The following ADAMTSL1 variants were observed in gnomAD, a reference collection of about 807,000 sequenced individuals.
The protein encoded by ADAMTSL1 is ADAMTS like 1, also known as ADAMTS-like protein 1.
ADAMTSL1 carries 126 observed loss-of-function variants against 201.8 expected under a neutral mutation model. That is an observed-to-expected ratio of 0.62 (90% CI 0.54 to 0.72). The LOEUF is 0.72. Ranked by LOEUF, ADAMTSL1 falls within the 30% of genes least tolerant of loss-of-function variation. The pLI, the probability that ADAMTSL1 is intolerant of heterozygous loss-of-function variation, is 0.00. For missense variants in ADAMTSL1, 2,679 were observed against 2,277.8 expected (o/e 1.18, Z -3.59); for synonymous variants, 1,121 against 903.4 (o/e 1.24, Z -4.32).
chr9:18,049,467 A>T (rs968903856), intron 1 of ADAMTSL1, among the ~76,000 whole-genome samples: 4 of 152,164 alleles, frequency 2.6e-5, no homozygotes, highest in African/African-American at 9.7e-5. Context: ...GGACATCGGT[A>T]TGTCTAGATA....
At chr9:18,306,752 C>A (rs909547871) in intron 2 of ADAMTSL1, among the ~76,000 whole-genome samples, 1 of 152,110 alleles carries the variant, frequency 6.6e-6, no homozygotes, top group African/African-American at 2.4e-5. Context: ...AGAATGGAAC[C>A]AAGTTGGAAA....
chr9:17,933,409 G>A (rs976999828), intron 1 of ADAMTSL1, among the ~76,000 whole-genome samples: 5 of 152,080 alleles, frequency 3.3e-5, no homozygotes, highest in Non-Finnish European at 5.9e-5. Flanking sequence ...TTCAGAGACC[G>A]TTTTTCCAGA....
At chr9:18,123,660 A>G (rs1181262531) in intron 1 of ADAMTSL1, among the ~76,000 whole-genome samples, 1 of 152,152 alleles carries the variant, frequency 6.6e-6, no homozygotes, top group African/African-American at 2.4e-5. Flanking sequence ...TATAGGTTCA[A>G]TGAATTTTAG....
At chr9:17,930,941 C>A (rs1259652844) in intron 1 of ADAMTSL1, among the ~76,000 whole-genome samples, 1 of 152,160 alleles carries the variant, frequency 6.6e-6, no homozygotes, top group Admixed American at 6.5e-5. Flanking sequence ...GGTTGGACTG[C>A]TGGCGGCATT....
chr9:18,054,117 C>A (rs183923121), intron 1 of ADAMTSL1, among the ~76,000 whole-genome samples: 1 of 151,814 alleles, frequency 6.6e-6, no homozygotes, highest in Non-Finnish European at 1.5e-5. Flanking sequence ...GCATAGTTTT[C>A]TGATTATACA....
At chr9:18,155,374 G>C (rs1325148077) in intron 1 of ADAMTSL1, among the ~76,000 whole-genome samples, 1 of 152,036 alleles carries the variant, frequency 6.6e-6, no homozygotes, top group Non-Finnish European at 1.5e-5. Context: ...CTTGGAGCCA[G>C]TCTGGGTGAT....
At chr9:18,032,884 ACT>A (rs1303749333) in intron 1 of ADAMTSL1, among the ~76,000 whole-genome samples, 1 of 118,444 alleles carries the variant, frequency 8.4e-6, no homozygotes, top group Non-Finnish European at 1.9e-5. Flanking sequence ...GTGCTCAGTG[ACT>A]CTGTGTGGGG....
chr9:18,237,691 CT>C (rs1175642386), intron 2 of ADAMTSL1, among the ~76,000 whole-genome samples: 4 of 152,132 alleles, frequency 2.6e-5, no homozygotes, highest in African/African-American at 4.8e-5. Context: ...TCAACTGAAT[CT>C]TTTTTTGTTG....
intron 1 of ADAMTSL1, among the ~76,000 whole-genome samples, chr9:18,115,358 G>A (rs941572945): frequency 2.6e-5 from 4 of 152,278 alleles, no homozygotes; most frequent in Non-Finnish European, 5.9e-5. Flanking sequence ...CAGGAAGGCA[G>A]GCAGGGGGAC....
intron 1 of ADAMTSL1, among the ~76,000 whole-genome samples, chr9:18,132,271 A>T (rs1422498606): frequency 6.6e-6 from 1 of 152,022 alleles, no homozygotes; most frequent in Admixed American, 6.6e-5. Context: ...GCCACCCCAT[A>T]TGCCATATTT....
chr9:18,058,743 C>T (rs1269679592), intron 1 of ADAMTSL1, among the ~76,000 whole-genome samples: 1 of 152,078 alleles, frequency 6.6e-6, no homozygotes, highest in African/African-American at 2.4e-5. Flanking sequence ...AACATTTTGT[C>T]TGTACATCTA....
At chr9:18,492,629 A>T (rs538208117) in intron 1 of ADAMTSL1, among the ~76,000 whole-genome samples, 2 of 152,172 alleles carry the variant, frequency 1.3e-5, no homozygotes, top group Non-Finnish European at 2.9e-5. Context: ...ACTTATATTT[A>T]AAAAAATAAC....
At chr9:18,377,889 A>G (rs543883662) in intron 2 of ADAMTSL1, among the ~76,000 whole-genome samples, 2 of 152,136 alleles carry the variant, frequency 1.3e-5, no homozygotes, top group East Asian at 3.9e-4. Flanking sequence ...TTTTATAAAT[A>G]TATTTGGAAA....
chr9:18,206,752 G>A (rs770459630), intron 2 of ADAMTSL1, among the ~76,000 whole-genome samples: 62 of 152,162 alleles, frequency 4.1e-4, no homozygotes, highest in South Asian at 1.0e-3. Flanking sequence ...CTTATTTTGC[G>A]TTCCTGACTT....
chr9:18,054,793 C>G (rs1223481061), intron 1 of ADAMTSL1, among the ~76,000 whole-genome samples: 1 of 152,174 alleles, frequency 6.6e-6, no homozygotes, highest in Non-Finnish European at 1.5e-5. Context: ...CCATATATTT[C>G]CAGATGCTTG....
At chr9:18,869,258 CTATCA>C (rs1827735902) in intron 23 of ADAMTSL1, among the ~76,000 whole-genome samples, 1 of 152,228 alleles carries the variant, frequency 6.6e-6, no homozygotes, top group Admixed American at 6.5e-5. Context: ...GCCTCCAGAA[CTATCA>C]GACAATAAAT....
At chr9:18,477,698 G>A (rs1007234142) in intron 1 of ADAMTSL1, among the ~76,000 whole-genome samples, 1 of 152,152 alleles carries the variant, frequency 6.6e-6, no homozygotes, top group Admixed American at 6.5e-5. Flanking sequence ...TCTACAGAAC[G>A]CTATGAAGCA....
chr9:18,809,767 C>T (rs1312369177), intron 20 of ADAMTSL1, among the ~76,000 whole-genome samples: 1 of 151,792 alleles, frequency 6.6e-6, no homozygotes, highest in Non-Finnish European at 1.5e-5. Flanking sequence ...CCAGCCTGGG[C>T]AACAAGAGCG....
intron 14 of ADAMTSL1, among the ~76,000 whole-genome samples, chr9:18,709,377 A>G (rs543274259): frequency 1.3e-4 from 20 of 152,204 alleles, no homozygotes; most frequent in Non-Finnish European, 1.8e-4. Flanking sequence ...TCTGAAGCCA[A>G]CCAAAAATCT....
Sources: gnomAD v4.1 joint callset for allele counts (sites outside exome capture counted in the v4.1 genomes callset) on GRCh38, gnomAD v4.1.1 for gene constraint, MANE v1.5 for transcripts, NCBI Gene and HGNC (gene_info 2026-07-23, HGNC 2026-07-21) for gene names.